Variants in PABIR3 observed in about 807,000 individuals in gnomAD.
PABIR3 encodes PABIR family member 3, also known as PABIR family member 1.
A neutral mutation model predicts 23.1 loss-of-function variants in PABIR3; 20 were observed. The ratio of observed to expected loss-of-function variants is 0.86; its 90% confidence interval spans 0.61 to 1.26. The LOEUF is 1.26. PABIR3 is among the 50% of genes most tolerant of loss of function. PABIR3 has a pLI of 0.00. For synonymous variants in PABIR3, 69 were observed against 68.5 expected (o/e 1.01, Z -0.04); for missense variants, 189 against 195.4 (o/e 0.97, Z 0.20).
chrX:134,846,050 T>C (rs905978274), intron 6 of PABIR3, among the ~76,000 whole-genome samples: 5 of 112,003 alleles, frequency 4.5e-5, no homozygotes, highest in African/African-American at 1.6e-4. Context: ...AGAGGTTTAA[T>C]TGACTCACAG....
In PABIR3 at chrX:134,822,833, G is replaced by A. The variant is rs1261384225; in HGVS notation, c.190-6393G>A. 3 of 160,752 alleles carry A rather than the reference G, an allele frequency of 1.9e-5. No homozygotes were observed. The East Asian group carries it at 7.9e-4, about 43-fold the overall frequency. 13.2% of individuals were successfully genotyped at this position (160,752 alleles called of 1,213,427 possible). ...ATTAGGTACTGGGCTTACTACCTGGGTGATGAAATAGTATGTACAACAGGC... is the reference window on the plus strand; with the variant it reads ...ATTAGGTACTGGGCTTACTACCTGGATGATGAAATAGTATGTACAACAGGC... On this transcript the variant is annotated intron_variant, in intron 3 of 10. Transcript: ENST00000645433.
Position 134,807,403 on chromosome X carries a change from T to C in PABIR3, c.-60+62T>C, listed in dbSNP as rs73568753. The stretch of plus-strand genomic sequence containing the variant: ...GGGAGATAGGCGGTTCGGAGCCAGT[T>C]CTGCCTAACTTTGTGTTCACTGATG... On this transcript the variant is annotated intron_variant, in intron 1 of 10. Transcript: ENST00000645433. 3.9e-3 allele frequency: 3,959 copies of C among 1,004,791 alleles called. 105 individuals carry two copies. In the African/African-American group the frequency reaches 0.07, roughly 18 times the overall value. 82.8% of individuals were successfully genotyped at this position (1,004,791 alleles called of 1,213,427 possible).
intron 2 of PABIR3, among the ~76,000 whole-genome samples, chrX:134,813,930 C>G (rs1185447198): frequency 9.2e-6 from 1 of 108,401 alleles, no homozygotes; most frequent in African/African-American, 3.4e-5. Flanking sequence ...GTTGCAAAAT[C>G]TTGCAACTTT....
chrX:134,809,167 CTTTTTT>C, intron 2 of PABIR3: 1 of 129,854 alleles, frequency 7.7e-6, no homozygotes, highest in Non-Finnish European at 1.5e-5. Context: ...ATCTTGTTTC[CTTTTTT>C]TTTTTTTTTT....
At chrX:134,819,022 C>T (rs946712031) in intron 3 of PABIR3, among the ~76,000 whole-genome samples, 7 of 100,912 alleles carry the variant, frequency 6.9e-5, no homozygotes, top group East Asian at 3.0e-4. Flanking sequence ...CTGCAACCTT[C>T]GCCTCCTGGG....
chrX:134,828,051 A>C (rs746099450), intron 3 of PABIR3, among the ~76,000 whole-genome samples: 1,130 of 84,149 alleles, frequency 0.013, 8 homozygotes, highest in African/African-American at 0.019. Flanking sequence ...CTCTCTCTAT[A>C]TATATATATA....
At chrX:134,841,249 C>T (rs969637855) in intron 4 of PABIR3, among the ~76,000 whole-genome samples, 1 of 111,050 alleles carries the variant, frequency 9.0e-6, no homozygotes, top group African/African-American at 3.3e-5. Flanking sequence ...AGGCATAAGC[C>T]ACTGTGCGTG....
intron 3 of PABIR3, among the ~76,000 whole-genome samples, chrX:134,818,643 G>A (rs1277379894): frequency 9.0e-6 from 1 of 111,563 alleles, no homozygotes; most frequent in Non-Finnish European, 1.9e-5. Flanking sequence ...TGAGAGCCAA[G>A]GACCTATAAA....
chrX:134,831,979 A>C (rs2081800679), intron 4 of PABIR3, among the ~76,000 whole-genome samples: 3 of 111,295 alleles, frequency 2.7e-5, no homozygotes, highest in African/African-American at 9.8e-5. Flanking sequence ...ACCTCCCACA[A>C]ATAAGCAAGA....
At chrX:134,811,107 T>A in intron 2 of PABIR3, 1 of 739,705 alleles carries the variant, frequency 1.4e-6, no homozygotes, top group Non-Finnish European at 1.6e-6. Context: ...AACTCTTTAA[T>A]ACAGTATTAC....
At chrX:134,852,300 C>A (rs1205895839) in intron 9 of PABIR3, among the ~76,000 whole-genome samples, 1 of 110,693 alleles carries the variant, frequency 9.0e-6, no homozygotes, top group Non-Finnish European at 1.9e-5. Context: ...CATGGTGAAA[C>A]CCCGTCTCTA....
At position 134,807,638 on chromosome X, in the gene PABIR3, C is replaced by T. The variant is rs2080314368; in HGVS notation, c.40C>T (p.Pro14Ser). The T allele has an allele frequency of 8.3e-7, 1 of 1,210,372 alleles. No individual in the cohort carries two copies. Among genetic ancestry groups the T allele is most frequent in the Non-Finnish European group, 1.1e-6 (1 of 894,744 alleles). ...EKMKLGFKSL[P>S]SSTTADGNIL... ...AATGAAACTAGGTTTCAAGTCGCTG[C>T]CGAGTTCCACTACCGCAGACGGCAA... Residue 14 changes from proline to serine, a missense_variant, in exon 2 of 11, where the codon CCG (proline) becomes TCG (serine). By Grantham distance (74) the Pro-to-Ser change is moderately conservative. Transcript: ENST00000645433.
At chrX:134,810,182 T>TTAAA (rs923910731) in intron 2 of PABIR3, 3 of 752,957 alleles carry the variant, frequency 4.0e-6, no homozygotes, top group Admixed American at 1.8e-4. Context: ...CTTTAATGTA[T>TTAAA]TAAATACACC....
At chrX:134,819,602 A>T (rs768559257) in intron 3 of PABIR3, among the ~76,000 whole-genome samples, 3 of 111,704 alleles carry the variant, frequency 2.7e-5, no homozygotes, top group African/African-American at 9.8e-5. Context: ...AGACTTAAAC[A>T]GCCTGGGCGA....
In PABIR3 at chrX:134,847,982, G is replaced by A; in HGVS notation, c.527+11G>A. ...GCAACAATACATCATGTAAGTTTAT[G>A]TTATATGAAAATACCAAATTGCTTA... On this transcript the variant is annotated intron_variant, in intron 8 of 10. Coordinates refer to ENST00000645433, the MANE Select transcript of PABIR3 (RefSeq NM_001388447.1). The A allele has an allele frequency of 9.0e-7, 1 of 1,116,561 alleles. No individual in the cohort carries two copies. The allele number at this position is 1,116,561 out of a possible 1,213,427, so 92.0% of individuals were successfully genotyped here.
upstream of PABIR3, chrX:134,804,380 A>G: frequency 2.2e-6 from 1 of 459,778 alleles, no homozygotes. Flanking sequence ...CAATTTGTGT[A>G]TGTACTATGA....
At chrX:134,856,188 A>ATTT (rs150416913), downstream of PABIR3, among the ~76,000 whole-genome samples, 5 of 95,299 alleles carry the variant, frequency 5.2e-5, no homozygotes, top group Non-Finnish European at 1.0e-4. Flanking sequence ...CTATTCAGTT[A>ATTT]TTTTTTTTTT....
Position 134,848,025 on chromosome X carries a change from A to G in PABIR3, c.527+54A>G, listed in dbSNP as rs2082492703. 5 of 986,282 alleles carry G rather than the reference A, an allele frequency of 5.1e-6. No homozygotes were observed. In the Admixed American group the frequency reaches 1.4e-4, roughly 27 times the overall value. 81.3% of individuals were successfully genotyped at this position (986,282 alleles called of 1,213,427 possible). On this transcript the variant is annotated intron_variant, in intron 8 of 10. Coordinates refer to ENST00000645433, the MANE Select transcript of PABIR3 (RefSeq NM_001388447.1). Reference sequence around the variant, plus strand: ...ATTGCTTATAAAATAAGAATTATAGAAACCTAAAAGAAATTATAGCTCCAA... The same window carrying G: ...ATTGCTTATAAAATAAGAATTATAGGAACCTAAAAGAAATTATAGCTCCAA...
downstream of PABIR3, among the ~76,000 whole-genome samples, chrX:134,856,736 C>T (rs2082752077): frequency 2.7e-5 from 3 of 110,651 alleles, no homozygotes; most frequent in South Asian, 1.2e-3. Context: ...GGCGGCCGGG[C>T]ACAGTGGCTC....
Sources: allele counts gnomAD v4.1 joint callset (sites outside exome capture counted in the v4.1 genomes callset), GRCh38; gene constraint gnomAD v4.1.1; transcripts MANE v1.5; gene names NCBI Gene and HGNC (gene_info 2026-07-23, HGNC 2026-07-21).